Variants in FLNC observed in about 807,000 individuals in gnomAD.
FLNC encodes filamin C.
In FLNC, 91 loss-of-function variants were observed where a neutral mutation model predicts 254.3. The ratio of observed to expected loss-of-function variants is 0.36; its 90% CI spans 0.30 to 0.43. FLNC has a LOEUF of 0.43. FLNC is among the 20% of genes least tolerant of loss of function. The pLI, the probability that FLNC is intolerant of heterozygous loss-of-function variation, is 1.00. For synonymous variants in FLNC, 1,430 were observed against 1,577.2 expected (o/e 0.91, Z 2.21); for missense variants, 2,853 against 3,802.6 (o/e 0.75, Z 6.57).
chr7:128,852,544 G>T (rs775071351), intron 35 of FLNC, 47 bp from the exon 36 acceptor site: 1 of 1,610,384 alleles, frequency 6.2e-7, no homozygotes, highest in South Asian at 1.1e-5. Context: ...GTGAGGGCAG[G>T]GCCTGCCTGG....
At position 128,858,490 on chromosome 7, in the gene FLNC, C is replaced by T. The variant is rs746842532; in HGVS notation, c.8145C>T (p.Val2715=). ...ILIVKWGDES[V]PGSPFKVKVP ...TTGTCAAGTGGGGTGACGAAAGTGT[C>T]CCTGGAAGCCCCTTCAAAGTCAAGG... The change falls in exon 48 of 48, where the codon GTC becomes GTT. Residue 2715 remains valine, a synonymous_variant. Transcript: ENST00000325888. The surrounding 1 kb of genome is among the most constrained non-coding windows in gnomAD (Gnocchi z 6.7). 113 of 1,613,576 alleles carry T rather than the reference C, an allele frequency of 7.0e-5. No homozygotes were observed. The highest frequency in any genetic ancestry group is 8.7e-5 in the Non-Finnish European group (103 of 1,179,942).
intron 5 of FLNC, 34 bp downstream of exon 5, chr7:128,837,789 C>G (rs1375066898): frequency 6.5e-7 from 1 of 1,537,144 alleles, no homozygotes; most frequent in Non-Finnish European, 8.8e-7. Context: ...GAGGGATTCA[C>G]TTGGGATTGG....
chr7:128,840,479 G>T, intron 9 of FLNC, 69 bp from the exon 10 acceptor site: 1 of 1,607,058 alleles, frequency 6.2e-7, no homozygotes, highest in East Asian at 2.2e-5. Flanking sequence ...GCTCCTTGAG[G>T]GGATTGAGGA....
Position 128,838,325 on chromosome 7 carries a change from G to A in FLNC, c.1106G>A (p.Gly369Asp), listed in dbSNP as rs754733061. Residue 369 changes from glycine (G) to aspartate (D), a missense_variant, in exon 7 of 48, where the codon GGC becomes GAC. Around this residue, in one of 10 missense-constraint regions of FLNC, gnomAD observed 1,573 missense variants for 1,883.5 expected, o/e 0.84. Transcript: ENST00000325888. Reference sequence around the variant, plus strand: ...CGCAGTCCCTTTGAGGTGAACGTGGGCATGGCCCTGGGAGATGCCAACAAG... The same window carrying A: ...CGCAGTCCCTTTGAGGTGAACGTGGACATGGCCCTGGGAGATGCCAACAAG... ...IERSPFEVNV[G>D]MALGDANKVS... The A allele has an allele frequency of 6.2e-7, 1 of 1,613,928 alleles. No individual in the cohort carries two copies. The highest frequency in any genetic ancestry group is 8.5e-7 in the Non-Finnish European group (1 of 1,179,952).
rs758002964 is a variant in FLNC, at chr7:128,856,819, A to G, written c.7459A>G (p.Ile2487Val). ...SIDVKFNGAH[I>V]PGSPFKIRVG... ...CGATGTCAAGTTCAACGGTGCCCACATCCCTGGAAGTCCCTTCAAGATCCG... is the reference window on the plus strand; with the variant it reads ...CGATGTCAAGTTCAACGGTGCCCACGTCCCTGGAAGTCCCTTCAAGATCCG... Residue 2487 changes from isoleucine (I) to valine (V), a missense_variant, in exon 45 of 48, where the codon ATC (isoleucine) becomes GTC (valine). Transcript: ENST00000325888. This position sits in a 1 kb window ranked among gnomAD's most constrained non-coding sequence, Gnocchi z 5.9. The G allele has an allele frequency of 2.2e-5, 35 of 1,614,028 alleles. 1 individual carries two copies. Among genetic ancestry groups the G allele is most frequent in the South Asian group, 6.6e-5 (6 of 91,084 alleles).
In FLNC at chr7:128,854,139, C is replaced by A; in HGVS notation, c.6650C>A (p.Pro2217His). 1.2e-6 allele frequency: 2 copies of A among 1,612,668 alleles called. No individual in the cohort carries two copies. Among genetic ancestry groups the A allele is most frequent in the East Asian group, 4.5e-5 (2 of 44,854 alleles). The change falls in exon 40 of 48, where the codon CCC becomes CAC. Residue 2217 changes from proline to histidine, a missense_variant. This residue lies in a region of FLNC where 551 missense variants were observed against 835.0 expected (regional missense o/e 0.66). Transcript: ENST00000325888. ...GAGTCCACCCAGGTCGGCGGGGACC[C>A]CTTCCCTGCTGTGTTTGGGGACTTC... ...VEESTQVGGD[P>H]FPAVFGDFLG...
rs986779150 is a variant in FLNC, at chr7:128,843,839, C to T, written c.2855C>T (p.Pro952Leu). Residue 952 changes from proline (P) to leucine (L), a missense_variant, in exon 19 of 48, where the codon CCC becomes CTC. Pro to Leu is a moderately conservative substitution (Grantham distance 98). This residue lies in a region of FLNC where 1,573 missense variants were observed against 1,883.5 expected (regional missense o/e 0.84). Coordinates refer to ENST00000325888, the MANE Select transcript of FLNC (RefSeq NM_001458.5). ...GTGACTTATGGCGGGGACCCTGTCC[C>T]CAAGAGCCCCTTTGTGGTGAATGTG... ...VTVTYGGDPV[P>L]KSPFVVNVAP... is the part of the protein sequence containing the mutation. 6.2e-7 allele frequency: 1 copy of T among 1,613,716 alleles called. No homozygotes were observed. The highest frequency in any genetic ancestry group is 8.5e-7 in the Non-Finnish European group (1 of 1,180,026).
At chr7:128,837,062 G>A (rs1389724552) in intron 2 of FLNC, 98 bp from the exon 3 acceptor site, 23 of 871,106 alleles carry the variant, frequency 2.6e-5, no homozygotes, top group Non-Finnish European at 3.6e-5. Flanking sequence ...GGGAAGGGGT[G>A]TAAAGCCACA....
In FLNC at chr7:128,853,606, G is replaced by A. The variant is rs1233400998; in HGVS notation, c.6346G>A (p.Asp2116Asn). Residue 2116 changes from aspartate to asparagine, a missense_variant, in exon 38 of 48, where the codon GAC (aspartate) becomes AAC (asparagine). Around this residue, in one of 10 missense-constraint regions of FLNC, gnomAD observed 551 missense variants for 835.0 expected, o/e 0.66. Coordinates refer to ENST00000325888, the MANE Select transcript of FLNC (RefSeq NM_001458.5). Reference protein sequence around the residue: ...GTYIINIKFADKHVPGSPFTV... With the variant: ...GTYIINIKFANKHVPGSPFTV... The stretch of plus-strand genomic sequence containing the variant: ...CTACATCATCAACATCAAGTTTGCT[G>A]ACAAGCACGTGCCTGGTAAGGCTCT... 1.2e-6 allele frequency: 2 copies of A among 1,614,162 alleles called. No homozygotes were observed. Among genetic ancestry groups the A allele is most frequent in the Admixed American group, 1.7e-5 (1 of 60,026 alleles).
chr7:128,845,271 G>A lies in FLNC; in HGVS notation c.3790+16G>A, dbSNP rs1808513816. The stretch of plus-strand genomic sequence containing the variant: ...GAGCCACACGGTGAGTGGACAGGAG[G>A]AGCCAAGAAAGGTCAAGTGGCAGGT... On this transcript the variant is annotated intron_variant, in intron 21 of 47. Coordinates refer to ENST00000325888, the MANE Select transcript of FLNC (RefSeq NM_001458.5). 3 of 1,604,672 alleles carry A rather than the reference G, an allele frequency of 1.9e-6. No homozygotes were observed. Among genetic ancestry groups the A allele is most frequent in the Non-Finnish European group, 2.6e-6 (3 of 1,173,370 alleles).
chr7:128,846,835 C>T lies in FLNC; in HGVS notation c.4218C>T (p.Thr1406=), dbSNP rs748827721. Residue 1406 remains threonine (T), a synonymous_variant, in exon 24 of 48, where the codon ACC becomes ACT. Coordinates refer to ENST00000325888, the MANE Select transcript of FLNC (RefSeq NM_001458.5). ...AGGACAACAAGGATGGTAGCTGCAC[C>T]GTGGAGTACATCCCCTTCACTCCTG... ...SCKDNKDGSC[T]VEYIPFTPGD... is the part of the protein sequence containing the mutation. 3.2e-5 allele frequency: 51 copies of T among 1,614,138 alleles called. No individual in the cohort carries two copies. The highest frequency in any genetic ancestry group is 3.9e-5 in the Non-Finnish European group (46 of 1,180,038).
chr7:128,851,052 A>C, intron 33 of FLNC, 109 bp downstream of exon 33: 1 of 1,534,242 alleles, frequency 6.5e-7, no homozygotes, highest in Non-Finnish European at 9.0e-7. Context: ...CGCTGTGTGC[A>C]GACACCAGGC....
chr7:128,850,195 GT>G, intron 31 of FLNC, 121 bp downstream of exon 31: 1 of 1,000,996 alleles, frequency 1.0e-6, no homozygotes, highest in Non-Finnish European at 1.5e-6. Flanking sequence ...GCAGGCAAGA[GT>G]TAGGCTGGGC....
chr7:128,841,429 A>G lies in FLNC; in HGVS notation c.2008-25A>G, dbSNP rs762771433. 6 of 1,612,020 alleles carry G rather than the reference A, an allele frequency of 3.7e-6. No homozygotes were observed. The highest frequency in any genetic ancestry group is 4.5e-5 in the East Asian group (2 of 44,854). The stretch of plus-strand genomic sequence containing the variant: ...CAAGCTGGTTCTCCTCCCCTCCCCA[A>G]CTCAGCCTTCTTCCCTCCGCACAGG... On this transcript the variant is annotated intron_variant, in intron 12 of 47. Transcript: ENST00000325888. This position sits in a 1 kb window ranked among gnomAD's most constrained non-coding sequence, Gnocchi z 4.3.
chr7:128,858,451 G>A lies in FLNC; in HGVS notation c.8106G>A (p.Gly2702=), dbSNP rs1408621523. 4 of 1,613,598 alleles carry A rather than the reference G, an allele frequency of 2.5e-6. No homozygotes were observed. The highest frequency in any genetic ancestry group is 1.7e-5 in the Admixed American group (1 of 59,984). Reference sequence around the variant, plus strand: ...TCACCTACACTGTCAAGGAGAAAGGGGACTACATCCTCATTGTCAAGTGGG... The same window carrying A: ...TCACCTACACTGTCAAGGAGAAAGGAGACTACATCCTCATTGTCAAGTGGG... ...YNVTYTVKEK[G]DYILIVKWGD... The change falls in exon 48 of 48, where the codon GGG becomes GGA. Residue 2702 remains glycine (G), a synonymous_variant. Coordinates refer to ENST00000325888, the MANE Select transcript of FLNC (RefSeq NM_001458.5). The surrounding 1 kb of genome is among the most constrained non-coding windows in gnomAD (Gnocchi z 6.7).
intron 8 of FLNC, among the ~76,000 whole-genome samples, chr7:128,839,185 C>T (rs959521505): frequency 3.3e-5 from 5 of 152,220 alleles, no homozygotes; most frequent in Admixed American, 1.3e-4. Context: ...CAGGCATGGC[C>T]GCAGCTGACT....
In FLNC at chr7:128,842,917, C is replaced by T. The variant is rs775085661; in HGVS notation, c.2513C>T (p.Ala838Val). 34 of 1,613,898 alleles carry T rather than the reference C, an allele frequency of 2.1e-5. No individual in the cohort carries two copies. The highest frequency in any genetic ancestry group is 1.9e-4 in the African/African-American group (14 of 74,948). ...TFTVKYTPPGAGRYTIMVLFA... is the reference protein window; with the variant it reads ...TFTVKYTPPGVGRYTIMVLFA... ...ACCGTCAAGTACACGCCACCAGGGG[C>T]GGGCCGCTACACCATCATGGTGCTG... Residue 838 changes from alanine to valine, a missense_variant, in exon 16 of 48, where the codon GCG (alanine) becomes GTG (valine). By Grantham distance (64) the Ala-to-Val change is moderately conservative. Transcript: ENST00000325888. This position sits in a 1 kb window ranked among gnomAD's most constrained non-coding sequence, Gnocchi z 5.4.
chr7:128,839,569 G>A (rs1808244703), intron 8 of FLNC, among the ~76,000 whole-genome samples: 1 of 152,248 alleles, frequency 6.6e-6, no homozygotes, highest in Non-Finnish European at 1.5e-5. Context: ...GTCTGTGGTA[G>A]GCTGATGTCC....
In FLNC at chr7:128,847,771, G is replaced by A; in HGVS notation, c.4363G>A (p.Ala1455Thr). 6.2e-7 allele frequency: 1 copy of A among 1,614,108 alleles called. No individual in the cohort carries two copies. Among genetic ancestry groups the A allele is most frequent in the Non-Finnish European group, 8.5e-7 (1 of 1,180,014 alleles). Residue 1455 changes from alanine (A) to threonine (T), a missense_variant, in exon 25 of 48, where the codon GCT becomes ACT. By Grantham distance (58) the Ala-to-Thr change is moderately conservative (BLOSUM62 0). Around this residue, in one of 10 missense-constraint regions of FLNC, gnomAD observed 1,573 missense variants for 1,883.5 expected, o/e 0.84. Coordinates refer to ENST00000325888, the MANE Select transcript of FLNC (RefSeq NM_001458.5). ...GAAGTGCTCAGGGCCAGGGCTGGGG[G>A]CTGGTGTCAGGGCCCGGGTTCCTCA... ...KVKCSGPGLG[A>T]GVRARVPQTF...
Sources: allele counts gnomAD v4.1 joint callset (sites outside exome capture counted in the v4.1 genomes callset), GRCh38; gene constraint gnomAD v4.1.1; regional missense constraint gnomAD v4.1.1; non-coding constraint Gnocchi (gnomAD v3.1); transcripts MANE v1.5; gene names NCBI Gene and HGNC (gene_info 2026-07-23, HGNC 2026-07-21).